The following SMYD3 variants were observed in gnomAD, a reference collection of about 807,000 sequenced individuals.
The protein encoded by SMYD3 is SET and MYND domain containing 3.
Under a neutral mutation model 57.7 loss-of-function variants are expected in SMYD3, and 36 were observed. The observed-to-expected ratio is 0.62, with a 90% confidence interval of 0.48 to 0.82. The LOEUF (loss-of-function observed/expected upper bound fraction) is 0.82. Among genes scored for constraint, SMYD3 ranks in the 40% least tolerant of loss-of-function variants. SMYD3 has a pLI of 0.00. For missense variants in SMYD3, 515 were observed against 538.8 expected (o/e 0.96, Z 0.44); for synonymous variants, 211 against 195.0 (o/e 1.08, Z -0.68).
intron 10 of SMYD3, among the ~76,000 whole-genome samples, chr1:245,786,218 G>GA (rs1553321390): frequency 1.4e-5 from 2 of 147,576 alleles, no homozygotes; most frequent in South Asian, 2.2e-4. Flanking sequence ...GTGGACGGGG[G>GA]GGGGATGGTG....
intron 8 of SMYD3, among the ~76,000 whole-genome samples, chr1:245,880,601 A>G (rs995251118): frequency 6.6e-6 from 1 of 152,200 alleles, no homozygotes; most frequent in Non-Finnish European, 1.5e-5. Flanking sequence ...AACCAGTCCA[A>G]TCCTTATAGA....
chr1:246,059,127 C>T (rs1054796383), intron 5 of SMYD3, among the ~76,000 whole-genome samples: 3 of 152,110 alleles, frequency 2.0e-5, no homozygotes, highest in Admixed American at 6.6e-5. Flanking sequence ...CCGCCTGCCT[C>T]GGCCTCCCAA....
chr1:246,464,801 T>A (rs191651404), intron 1 of SMYD3, among the ~76,000 whole-genome samples: 388 of 152,340 alleles, frequency 2.5e-3, no homozygotes, highest in Non-Finnish European at 4.6e-3. Context: ...GTGTAGTCTT[T>A]TTTTCCCCCA....
intron 5 of SMYD3, among the ~76,000 whole-genome samples, chr1:246,256,017 CATAG>C (rs1225289679): frequency 6.3e-4 from 96 of 151,526 alleles, no homozygotes; most frequent in African/African-American, 2.0e-3. Flanking sequence ...TACATAGATA[CATAG>C]ATAGATACAT....
chr1:246,023,646 T>G (rs6426262), intron 5 of SMYD3, among the ~76,000 whole-genome samples: 57,765 of 152,006 alleles, frequency 0.38, 13,098 homozygotes, highest in African/African-American at 0.63. Flanking sequence ...ATGAAGCTCT[T>G]GCTTTCCACT....
chr1:246,440,567 T>C (rs2067446730), intron 1 of SMYD3, among the ~76,000 whole-genome samples: 2 of 152,186 alleles, frequency 1.3e-5, no homozygotes, highest in Non-Finnish European at 2.9e-5. Context: ...AAACTAGTGA[T>C]GTAGGAACTC....
rs2062953999 is a variant in SMYD3, at chr1:246,203,713, G to A, written c.531+123488C>T. Among the ~76,000 whole-genome samples the A allele has an allele frequency of 6.6e-6, 1 of 152,172 alleles. No homozygotes were observed. The highest frequency in any genetic ancestry group is 2.1e-4 in the South Asian group (1 of 4,828). Reference sequence around the variant, plus strand: ...TCACATTCTGAAGTACCGGTGGTTAGAACATCAACATATGAATTTGCGGGG... The same window carrying A: ...TCACATTCTGAAGTACCGGTGGTTAAAACATCAACATATGAATTTGCGGGG... On this transcript the variant is annotated intron_variant, in intron 5 of 11. Coordinates refer to ENST00000490107, the MANE Select transcript of SMYD3 (RefSeq NM_001167740.2). This position sits in a 1 kb window ranked among gnomAD's most constrained non-coding sequence, Gnocchi z 4.6.
intron 5 of SMYD3, among the ~76,000 whole-genome samples, chr1:246,267,544 T>C (rs1461614070): frequency 6.6e-6 from 1 of 152,252 alleles, no homozygotes; most frequent in Admixed American, 6.5e-5. Flanking sequence ...TCCTGGTATA[T>C]AGAAAACAGA....
chr1:246,045,489 G>A (rs1415710696), intron 5 of SMYD3, among the ~76,000 whole-genome samples: 1 of 152,034 alleles, frequency 6.6e-6, no homozygotes, highest in African/African-American at 2.4e-5. Context: ...ATTCAAGATG[G>A]ATTAAAGACT....
At chr1:246,240,856 T>G (rs112658601) in intron 5 of SMYD3, among the ~76,000 whole-genome samples, 39,553 of 150,614 alleles carry the variant, frequency 0.26, 5,912 homozygotes, top group East Asian at 0.57. Context: ...TGAAGCAATT[T>G]TGAATGGGAG....
chr1:245,883,186 G>C (rs1284648684), intron 8 of SMYD3, among the ~76,000 whole-genome samples: 5 of 152,178 alleles, frequency 3.3e-5, no homozygotes, highest in Non-Finnish European at 7.3e-5. Context: ...TCTTCACTGA[G>C]TGTACCCTTG....
At chr1:246,124,841 A>C (rs1479162622) in intron 5 of SMYD3, among the ~76,000 whole-genome samples, 1 of 152,120 alleles carries the variant, frequency 6.6e-6, no homozygotes, top group Non-Finnish European at 1.5e-5. Flanking sequence ...TTTTCTACTT[A>C]AAACAAAATC....
intron 5 of SMYD3, among the ~76,000 whole-genome samples, chr1:246,287,961 G>A (rs992712272): frequency 6.6e-6 from 1 of 151,718 alleles, no homozygotes. Flanking sequence ...GGAAGGCCTT[G>A]GAACGTTACA....
At chr1:246,425,448 A>C (rs1572489369) in intron 1 of SMYD3, among the ~76,000 whole-genome samples, 1 of 152,008 alleles carries the variant, frequency 6.6e-6, no homozygotes, top group South Asian at 2.1e-4. Flanking sequence ...CTCAGCACTC[A>C]CCATTCTCTT....
chr1:245,764,309 G>A (rs1376722232), intron 10 of SMYD3, among the ~76,000 whole-genome samples, 160 bp from the exon 11 acceptor site: 1 of 152,106 alleles, frequency 6.6e-6, no homozygotes, highest in Non-Finnish European at 1.5e-5. Context: ...AGTACTGAGG[G>A]GAATTGACAC....
chr1:246,078,569 T>C (rs2060585152), intron 5 of SMYD3, among the ~76,000 whole-genome samples: 1 of 152,204 alleles, frequency 6.6e-6, no homozygotes, highest in Admixed American at 6.5e-5. Context: ...GTTTAGACTT[T>C]ATTAGGAGGC....
chr1:245,941,317 C>T (rs112524944), intron 5 of SMYD3, among the ~76,000 whole-genome samples: 2,727 of 152,130 alleles, frequency 0.018, 74 homozygotes, highest in African/African-American at 0.052. Flanking sequence ...ATCCAGGGAA[C>T]CCCAGTAAGA....
rs553347781 is a variant in SMYD3, at chr1:246,355,137, A to C, written c.165-43T>G. 37 of 1,569,330 alleles carry C rather than the reference A, an allele frequency of 2.4e-5. No homozygotes were observed. In the East Asian group the frequency reaches 7.2e-4, roughly 30 times the overall value. On this transcript the variant is annotated intron_variant, in intron 1 of 11. Transcript: ENST00000490107. This position sits in a 1 kb window ranked among gnomAD's most constrained non-coding sequence, Gnocchi z 5.0. Reference sequence around the variant, plus strand: ...AATTCTGCATTAAGAAATGAGTGGGAAACATAGTACATAGTTGAAGAAAGA... The same window carrying C: ...AATTCTGCATTAAGAAATGAGTGGGCAACATAGTACATAGTTGAAGAAAGA...
At chr1:245,863,710 AC>A (rs1558434734) in intron 9 of SMYD3, 88 bp downstream of exon 9, 1 of 1,232,336 alleles carries the variant, frequency 8.1e-7, no homozygotes, top group Non-Finnish European at 1.2e-6. Context: ...GAGAGGTCAA[AC>A]CCCGCCTCTG....
Sources: gnomAD v4.1 joint callset for allele counts (sites outside exome capture counted in the v4.1 genomes callset) on GRCh38, gnomAD v4.1.1 for gene constraint, Gnocchi (gnomAD v3.1) non-coding constraint, MANE v1.5 for transcripts, NCBI Gene and HGNC (gene_info 2026-07-23, HGNC 2026-07-21) for gene names.